ZNF43: variants seen among roughly 807,000 people sequenced by gnomAD.
ZNF43 encodes the protein zinc finger protein 39-like 1 (KOX 27).
A neutral mutation model predicts 68.4 loss-of-function variants in ZNF43; 44 were observed. The ratio of observed to expected loss-of-function variants is 0.64; its 90% CI spans 0.51 to 0.83. The LOEUF (loss-of-function observed/expected upper bound fraction) is 0.83, where lower values mean the gene tolerates loss of function less well. Ranked by LOEUF, ZNF43 falls within the 40% of genes least tolerant of loss-of-function variation. ZNF43 has a pLI of 0.00. For synonymous variants in ZNF43, 308 were observed against 307.8 expected (o/e 1.00, Z -0.01); for missense variants, 896 against 933.2 (o/e 0.96, Z 0.52).
upstream of ZNF43, among the ~76,000 whole-genome samples, chr19:21,838,260 CTTAG>C (rs1967255525): frequency 6.6e-6 from 1 of 152,082 alleles, no homozygotes; most frequent in Non-Finnish European, 1.5e-5. Flanking sequence ...TTTCTAGTGG[CTTAG>C]TAATTTTGGC....
At chr19:21,834,182 A>G (rs1415802476) in intron 1 of ZNF43, among the ~76,000 whole-genome samples, 1 of 151,816 alleles carries the variant, frequency 6.6e-6, no homozygotes, top group African/African-American at 2.4e-5. Context: ...TAACAAAAAT[A>G]CAAAAATTAG....
At chr19:21,839,331 C>CAAA (rs61335194), upstream of ZNF43, among the ~76,000 whole-genome samples, 817 of 28,138 alleles carry the variant, frequency 0.029, 99 homozygotes, top group African/African-American at 0.057. Flanking sequence ...AGAGATCAGG[C>CAAA]AAAAAAAAAA....
At chr19:21,834,969 G>A (rs1358794300) in intron 1 of ZNF43, among the ~76,000 whole-genome samples, 16 of 149,186 alleles carry the variant, frequency 1.1e-4, no homozygotes, top group Non-Finnish European at 1.8e-4. Context: ...AGCCCGGCTC[G>A]GTGGCTATTT....
chr19:21,843,096 T>C (rs1183735571), intron 1 of ZNF43: 1 of 152,200 alleles, frequency 6.6e-6, no homozygotes, highest in African/African-American at 2.4e-5. Context: ...TCCAGTAATA[T>C]GTTACAATAG....
At position 21,841,844 on chromosome 19, in the gene ZNF43, AAG is replaced by A. The variant is rs894631203; in HGVS notation, c.30+10059_30+10060del. ...GTCATAATTCCTCTATTAGCAGGTG[AAG>A]AGAGTCCCATCACCTAGGTGTTGGA... On this transcript the variant is annotated intron_variant, in intron 1 of 3. Coordinates refer to the ZNF43 transcript ENST00000357491. 6.6e-5 allele frequency among the ~76,000 whole-genome samples: 10 copies of A among 152,368 alleles called. No individual in the cohort carries two copies. In the South Asian group the frequency reaches 1.4e-3, roughly 22 times the overall value.
intron 3 of ZNF43, among the ~76,000 whole-genome samples, chr19:21,815,520 C>T (rs942792163): frequency 2.3e-5 from 3 of 130,980 alleles, no homozygotes; most frequent in African/African-American, 3.2e-5. Context: ...TTGCAGAATA[C>T]GGTTACAGCC....
chr19:21,820,571 C>G (rs2037772687), intron 1 of ZNF43, among the ~76,000 whole-genome samples: 1 of 147,618 alleles, frequency 6.8e-6, no homozygotes, highest in Non-Finnish European at 1.5e-5. Context: ...GAGAAAGACT[C>G]TGTCTCAAAA....
Position 21,808,191 on chromosome 19 carries a change from G to T in ZNF43, c.1846C>A (p.His616Asn). The stretch of plus-strand genomic sequence containing the variant: ...CATTTGTAGGGTTTTCCTCCAGTAT[G>T]AATTTTTTTATGTGTAGTAAGGTTT... The part of the protein sequence containing the change: ...SSNLTTHKKI[H>N]TGGKPYKCEE... The change falls in exon 4 of 4, where the codon CAT becomes AAT. Residue 616 changes from histidine (H) to asparagine (N), a missense_variant. Transcript: ENST00000354959. 6.2e-7 allele frequency: 1 copy of T among 1,613,110 alleles called. No homozygotes were observed. The highest frequency in any genetic ancestry group is 2.2e-5 in the East Asian group (1 of 44,802).
upstream of ZNF43, chr19:21,836,228 C>T (rs996835328): frequency 5.6e-6 from 8 of 1,424,118 alleles, no homozygotes; most frequent in African/African-American, 1.2e-4. Flanking sequence ...TCTCCTGCCC[C>T]GTGCCTGATT....
intron 1 of ZNF43, among the ~76,000 whole-genome samples, chr19:21,842,979 C>A (rs1967646345): frequency 6.6e-6 from 1 of 151,148 alleles, no homozygotes; most frequent in African/African-American, 2.4e-5. Flanking sequence ...AGGGAAAAGC[C>A]CATGTAAAGG....
rs1599438394 is a variant in ZNF43 at position 21,807,812 on chromosome 19, G to A, written c.2225C>T (p.Ala742Val). Reference protein sequence around the residue: ...QPYKCEECGKAFNYSSHLNTH... With the variant: ...QPYKCEECGKVFNYSSHLNTH... ...ATTAAGGTGTGAGGAATAGTTAAATGCTTTGCCACATTCTTCACATTTGTA... is the reference window on the plus strand; with the variant it reads ...ATTAAGGTGTGAGGAATAGTTAAATACTTTGCCACATTCTTCACATTTGTA... Residue 742 changes from alanine to valine, a missense_variant, in exon 4 of 4, where the codon GCA (alanine) becomes GTA (valine). Physicochemically the swap from Ala to Val is moderately conservative, Grantham distance 64. Transcript: ENST00000354959. 6.2e-7 allele frequency: 1 copy of A among 1,613,488 alleles called. No homozygotes were observed. Among genetic ancestry groups the A allele is most frequent in the East Asian group, 2.2e-5 (1 of 44,832 alleles).
intron 1 of ZNF43, chr19:21,841,496 AGAAACACAGCACCTG>A: frequency 6.6e-6 from 1 of 152,388 alleles, no homozygotes; most frequent in East Asian, 1.9e-4. Flanking sequence ...CCTGGGCACA[AGAAACACAGCACCTG>A]GTTGCTGAAC....
chr19:21,843,478 G>T (rs957391506), intron 1 of ZNF43, among the ~76,000 whole-genome samples: 2 of 152,176 alleles, frequency 1.3e-5, no homozygotes, highest in Non-Finnish European at 2.9e-5. Context: ...CTCTTCTGCG[G>T]ACTGTGTCTC....
In ZNF43 at chr19:21,806,990, G is replaced by T. The variant is rs2036970947; in HGVS notation, c.*617C>A. On this transcript the variant is annotated 3_prime_UTR_variant, in exon 4 of 4. Coordinates refer to ENST00000354959, the MANE Select transcript of ZNF43 (RefSeq NM_003423.4). ...TTTTCCAAACTGATTACATTTGTAG[G>T]GTTTTTCTCCAATATAAATTCCCTG... The T allele has an allele frequency of 6.6e-6, 1 of 151,836 alleles. No homozygotes were observed. Among genetic ancestry groups the T allele is most frequent in the African/African-American group, 2.4e-5 (1 of 41,358 alleles). The allele number at this position is 151,836 out of a possible 1,614,324, so 9.4% of individuals were successfully genotyped here. A position where few individuals can be genotyped will look rare whatever the true frequency, so the allele number is the denominator to read the frequency against.
intron 3 of ZNF43, among the ~76,000 whole-genome samples, chr19:21,811,594 C>T (rs1230347753): frequency 6.7e-6 from 1 of 150,330 alleles, no homozygotes; most frequent in Admixed American, 6.6e-5. Context: ...AATAAAGAGG[C>T]ATTATACTTT....
intron 1 of ZNF43, among the ~76,000 whole-genome samples, chr19:21,829,044 A>AAT (rs2038291895): frequency 7.0e-6 from 1 of 141,938 alleles, no homozygotes; most frequent in African/African-American, 2.8e-5. Flanking sequence ...AAAAAAAAAA[A>AAT]AAAAAAAAAA....
Position 21,805,842 on chromosome 19 carries a change from T to G in ZNF43, c.*1765A>C, listed in dbSNP as rs1480200782. 1.3e-5 allele frequency: 2 copies of G among 151,658 alleles called. No individual in the cohort carries two copies. The highest frequency in any genetic ancestry group is 2.4e-5 in the African/African-American group (1 of 41,346). 9.4% of individuals were successfully genotyped at this position (151,658 alleles called of 1,614,324 possible). A position where few individuals can be genotyped will look rare whatever the true frequency, so the allele number is the denominator to read the frequency against. On this transcript the variant is annotated 3_prime_UTR_variant, in exon 4 of 4. Coordinates refer to ENST00000354959, the MANE Select transcript of ZNF43 (RefSeq NM_003423.4). ...TAGTCCATTATGTTACCAAATAGTA[T>G]ATTGTTACCATCTTTTACATACACT...
rs781775296 is a variant in ZNF43, at chr19:21,808,904, G to C, written c.1133C>G (p.Ala378Gly). The change falls in exon 4 of 4, where the codon GCT (alanine) becomes GGT (glycine). Residue 378 changes from alanine (A) to glycine (G), a missense_variant. Coordinates refer to ENST00000354959, the MANE Select transcript of ZNF43 (RefSeq NM_003423.4). ...KFYKCTECGE[A>G]FSRSSNLTKH... ...AGTAAGGTTTGAGGACCGGCTAAAA[G>C]CTTCACCACATTCTGTACATTTATA... 100 of 1,613,482 alleles carry C rather than the reference G, an allele frequency of 6.2e-5. No homozygotes were observed. Among genetic ancestry groups the C allele is most frequent in the Non-Finnish European group, 8.2e-5 (97 of 1,179,834 alleles).
rs551226809 is a variant in ZNF43, at chr19:21,829,032, C to CAAAAAAA, written c.3+6997_3+7003dup. 1.6e-3 allele frequency among the ~76,000 whole-genome samples: 63 copies of CAAAAAAA among 38,812 alleles called. 5 individuals carry two copies. Among genetic ancestry groups the CAAAAAAA allele is most frequent in the African/African-American group, 2.1e-3 (24 of 11,336 alleles). The allele number at this position is 38,812 out of a possible 152,430, so 25.5% of individuals were successfully genotyped here. On this transcript the variant is annotated intron_variant, in intron 1 of 3. Transcript: ENST00000354959. ...TGGGCGAAAGAGAGAGACTCTGTCT[C>CAAAAAAA]AAAAAAAAAAAAAAAAAAAAAAAAA...
Sources: allele counts gnomAD v4.1 joint callset (sites outside exome capture counted in the v4.1 genomes callset), GRCh38; gene constraint gnomAD v4.1.1; transcripts MANE v1.5; gene names NCBI Gene and HGNC (gene_info 2026-07-23, HGNC 2026-07-21).